Variants in NWD1 observed in about 807,000 individuals in gnomAD.
NWD1 encodes NACHT and WD repeat domain containing 1, also known as NACHT domain- and WD repeat-containing protein 1.
Under a neutral mutation model 135.1 loss-of-function variants are expected in NWD1, and 129 were observed. The observed-to-expected ratio is 0.96, with a 90% CI of 0.83 to 1.11. The LOEUF (loss-of-function observed/expected upper bound fraction) is 1.11. Among genes scored for constraint, NWD1 ranks in the 50% least tolerant of loss-of-function variants. NWD1 has a pLI of 0.00. For synonymous variants in NWD1, 773 were observed against 786.0 expected (o/e 0.98, Z 0.28); for missense variants, 1,740 against 1,851.3 (o/e 0.94, Z 1.10).
chr19:16,783,105 C>T (rs1196184332), intron 12 of NWD1, among the ~76,000 whole-genome samples: 1 of 150,818 alleles, frequency 6.6e-6, no homozygotes, highest in Admixed American at 6.7e-5. Flanking sequence ...AATCATAGTA[C>T]ACTACAATCT....
chr19:16,801,752 C>G (rs912905512), intron 17 of NWD1: 1 of 152,188 alleles, frequency 6.6e-6, no homozygotes, highest in Non-Finnish European at 1.5e-5. Flanking sequence ...ATTTAATCCC[C>G]AGTGTTGGAG....
chr19:16,746,783 T>C (rs1968339639), intron 5 of NWD1, among the ~76,000 whole-genome samples: 1 of 151,712 alleles, frequency 6.6e-6, no homozygotes, highest in Non-Finnish European at 1.5e-5. Context: ...GAAAAGAAAA[T>C]GTTATTACAA....
intron 12 of NWD1, among the ~76,000 whole-genome samples, chr19:16,787,446 A>G (rs181631279): frequency 6.6e-6 from 1 of 152,308 alleles, no homozygotes; most frequent in East Asian, 1.9e-4. Flanking sequence ...CATCTGGGGC[A>G]ACTGATTGAC....
rs556816698 is a variant in NWD1, at chr19:16,759,335, C to A, written c.1880C>A (p.Pro627Gln). 8 of 1,613,910 alleles carry A rather than the reference C, an allele frequency of 5.0e-6. No individual in the cohort carries two copies. In the East Asian group the frequency reaches 1.8e-4, roughly 36 times the overall value. ...CCCAGCAAGGAGCTGCTGCGCTTCC[C>A]GCCCCTGCTGTGGGTGCGGCTTCGT... The part of the protein sequence containing the change: ...TPPSKELLRF[P>Q]PLLWVRLRRD... Residue 627 changes from proline (P) to glutamine (Q), a missense_variant, in exon 7 of 19, where the codon CCG becomes CAG. Pro to Gln is a moderately conservative substitution (Grantham distance 76, BLOSUM62 -1). Transcript: ENST00000524140.
intron 5 of NWD1, among the ~76,000 whole-genome samples, chr19:16,748,489 A>G (rs1968413819): frequency 6.6e-6 from 1 of 152,008 alleles, no homozygotes; most frequent in African/African-American, 2.4e-5. Context: ...TGCTCCTCAC[A>G]TGGGACCTCT....
chr19:16,759,788 G>A (rs1390395806), intron 7 of NWD1, among the ~76,000 whole-genome samples: 1 of 151,912 alleles, frequency 6.6e-6, no homozygotes, highest in African/African-American at 2.4e-5. Flanking sequence ...GAGGTCAGGA[G>A]TTTGAGACCA....
chr19:16,732,193 G>T (rs1327214783), intron 3 of NWD1, among the ~76,000 whole-genome samples: 4 of 146,634 alleles, frequency 2.7e-5, no homozygotes, highest in East Asian at 2.0e-4. Context: ...CTCCAGCCTG[G>T]GTGACAGAGT....
chr19:16,776,771 G>GT (rs1321001527), intron 11 of NWD1, among the ~76,000 whole-genome samples: 15 of 55,740 alleles, frequency 2.7e-4, no homozygotes, highest in African/African-American at 1.3e-3. Flanking sequence ...TCTACAAAAA[G>GT]TTAAAAAAAA....
At chr19:16,790,515 G>A (rs1265873117) in intron 13 of NWD1, among the ~76,000 whole-genome samples, 1 of 151,422 alleles carries the variant, frequency 6.6e-6, no homozygotes, top group Non-Finnish European at 1.5e-5. Flanking sequence ...CCTAATGCAT[G>A]TGGGGCTTAA....
intron 6 of NWD1, among the ~76,000 whole-genome samples, chr19:16,758,990 T>C: frequency 9.6e-6 from 1 of 104,690 alleles, no homozygotes; most frequent in Non-Finnish European, 1.7e-5. Context: ...GGCGACAGAG[T>C]GAAACTCTGT....
At chr19:16,786,504 A>C (rs1258322621) in intron 12 of NWD1, among the ~76,000 whole-genome samples, 2 of 151,274 alleles carry the variant, frequency 1.3e-5, no homozygotes, top group African/African-American at 4.9e-5. Flanking sequence ...CTCCTTCCCC[A>C]TTCCAGTAGT....
At position 16,728,812 on chromosome 19, in the gene NWD1, C is replaced by T. The variant is rs541059145; in HGVS notation, c.-6-2380C>T. 4.0e-3 allele frequency among the ~76,000 whole-genome samples: 599 copies of T among 151,594 alleles called. 2 individuals are homozygous for T. Among genetic ancestry groups the T allele is most frequent in the South Asian group, 8.3e-3 (40 of 4,792 alleles). ...ACAAAAAATTAGCTAGGCGTGGTGG[C>T]GGGCGCCTGTAGCCCCAGCTGCTCG... On this transcript the variant is annotated intron_variant, in intron 2 of 18. Transcript: ENST00000524140.
chr19:16,782,900 C>A (rs1409078090), intron 12 of NWD1, among the ~76,000 whole-genome samples: 2 of 110,802 alleles, frequency 1.8e-5, no homozygotes, highest in Non-Finnish European at 3.3e-5. Flanking sequence ...CTTTTTCCAT[C>A]CTTCCTTCCT....
At chr19:16,769,072 C>G (rs967319598) in intron 10 of NWD1, among the ~76,000 whole-genome samples, 1 of 152,182 alleles carries the variant, frequency 6.6e-6, no homozygotes, top group African/African-American at 2.4e-5. Flanking sequence ...TGGCTCAAGC[C>G]TGTTATCTCG....
At chr19:16,797,591 GC>G in intron 15 of NWD1, 140 bp from the exon 16 acceptor site, 1 of 697,132 alleles carries the variant, frequency 1.4e-6, no homozygotes, top group Non-Finnish European at 2.4e-6. Context: ...CGAGTGATCT[GC>G]CCGCCTTGGC....
In NWD1 at chr19:16,774,198, C is replaced by T. The variant is rs573848867; in HGVS notation, c.2608+875C>T. Among the ~76,000 whole-genome samples the T allele has an allele frequency of 5.4e-4, 81 of 151,372 alleles. 1 individual carries two copies. The South Asian group carries it at 0.017, about 31-fold the overall frequency. On this transcript the variant is annotated intron_variant, in intron 11 of 18. Transcript: ENST00000524140. Reference sequence around the variant, plus strand: ...CCACTCTCCCATCCATCTATCCTCCCACCCTTCCATCCATCTATCCATCCA... The same window carrying T: ...CCACTCTCCCATCCATCTATCCTCCTACCCTTCCATCCATCTATCCATCCA...
In NWD1 at chr19:16,746,548, C is replaced by T. The variant is rs147707617; in HGVS notation, c.496+1830C>T. On this transcript the variant is annotated intron_variant, in intron 5 of 18. Transcript: ENST00000524140. The stretch of plus-strand genomic sequence containing the variant: ...ATTAGCTGGGCATGGTGGTGCACAC[C>T]TGTAGTCCCAGCTACTCGGGAGGCT... 1.9e-4 allele frequency among the ~76,000 whole-genome samples: 29 copies of T among 152,204 alleles called. 1 individual carries two copies. The East Asian group carries it at 2.9e-3, about 15-fold the overall frequency.
chr19:16,750,161 C>T lies in NWD1; in HGVS notation c.1519C>T (p.Leu507=). 2.5e-6 allele frequency: 4 copies of T among 1,613,762 alleles called. No individual in the cohort carries two copies. The highest frequency in any genetic ancestry group is 3.4e-6 in the Non-Finnish European group (4 of 1,179,918). ...GNQGQQMIQL[L]LAAARRTLSP... ...CCAAGGCCAGCAGATGATCCAACTC[C>T]TGCTGGCAGCTGCAAGGAGGACGCT... Residue 507 remains leucine (L), a synonymous_variant, in exon 6 of 19, where the codon CTG becomes TTG. Coordinates refer to ENST00000524140, the MANE Select transcript of NWD1 (RefSeq NM_001007525.5).
intron 10 of NWD1, among the ~76,000 whole-genome samples, chr19:16,771,826 G>A (rs937872966): frequency 1.4e-5 from 2 of 147,528 alleles, no homozygotes; most frequent in African/African-American, 5.0e-5. Flanking sequence ...ACGCGATCAC[G>A]AGTCCTTTTT....
Sources: gnomAD v4.1 joint callset for allele counts (sites outside exome capture counted in the v4.1 genomes callset) on GRCh38, gnomAD v4.1.1 for gene constraint, MANE v1.5 for transcripts, NCBI Gene and HGNC (gene_info 2026-07-23, HGNC 2026-07-21) for gene names.